FAM169A: variants seen among roughly 807,000 people sequenced by gnomAD.
The protein encoded by FAM169A is soluble lamin-associated protein of 75 kDa.
In FAM169A, 24 loss-of-function variants were observed where a neutral mutation model predicts 75.7. That is an observed-to-expected ratio of 0.32 (90% CI 0.23 to 0.45). The LOEUF (loss-of-function observed/expected upper bound fraction) is 0.45, where lower values mean the gene tolerates loss of function less well. Ranked by LOEUF, FAM169A falls within the 20% of genes least tolerant of loss-of-function variation. FAM169A has a pLI of 1.00. For synonymous variants in FAM169A, 271 were observed against 271.0 expected (o/e 1.00, Z 0.00); for missense variants, 673 against 784.0 (o/e 0.86, Z 1.69).
In FAM169A at chr5:74,780,665, G is replaced by A. The variant is rs1371615335; in HGVS notation, c.*795C>T. On this transcript the variant is annotated 3_prime_UTR_variant, in exon 13 of 13. Coordinates refer to ENST00000687041, the MANE Select transcript of FAM169A (RefSeq NM_001376049.1). The stretch of plus-strand genomic sequence containing the variant: ...AGTTGTGATTTTTACCTGATTAAAG[G>A]TGAAAGTCTAAACTTCTAGGCGTCT... 1 of 152,124 alleles carries A rather than the reference G, an allele frequency of 6.6e-6. No homozygotes were observed. Among genetic ancestry groups the A allele is most frequent in the African/African-American group, 2.4e-5 (1 of 41,422 alleles). The allele number at this position is 152,124 out of a possible 1,614,324, so 9.4% of individuals were successfully genotyped here.
chr5:74,866,947 G>C, upstream of FAM169A: 1 of 985,452 alleles, frequency 1.0e-6, no homozygotes, highest in Non-Finnish European at 1.2e-6. Flanking sequence ...AGTTAGAATC[G>C]TGGGCTGCTT....
At chr5:74,860,131 G>A (rs188630697) in intron 1 of FAM169A, among the ~76,000 whole-genome samples, 1 of 152,302 alleles carries the variant, frequency 6.6e-6, no homozygotes, top group East Asian at 1.9e-4. Context: ...TTAATAAAAG[G>A]CAGCTAGAAA....
rs1746648695 is a variant in FAM169A at position 74,802,633 on chromosome 5, T to C, written c.913-1004A>G. Among the ~76,000 whole-genome samples the C allele has an allele frequency of 2.0e-5, 3 of 152,164 alleles. No homozygotes were observed. The South Asian group carries it at 6.2e-4, about 32-fold the overall frequency. On this transcript the variant is annotated intron_variant, in intron 8 of 12. Transcript: ENST00000687041. ...GCAATTATTATGCTATAGTATATTATATATTTCCAACAATGGACCATCTAG... is the reference window on the plus strand; with the variant it reads ...GCAATTATTATGCTATAGTATATTACATATTTCCAACAATGGACCATCTAG...
chr5:74,863,286 T>C (rs1336154879), intron 1 of FAM169A, among the ~76,000 whole-genome samples: 2 of 152,212 alleles, frequency 1.3e-5, no homozygotes, highest in South Asian at 2.1e-4. Flanking sequence ...CTTGTTATCA[T>C]TGAAACAATT....
chr5:74,842,122 A>T (rs1748899456), intron 1 of FAM169A, among the ~76,000 whole-genome samples: 1 of 149,782 alleles, frequency 6.7e-6, no homozygotes, highest in Non-Finnish European at 1.5e-5. Flanking sequence ...CAAAAAAAAA[A>T]AAATCTAAAA....
chr5:74,808,494 G>A (rs1300645331), intron 6 of FAM169A, among the ~76,000 whole-genome samples: 5 of 152,152 alleles, frequency 3.3e-5, no homozygotes, highest in Non-Finnish European at 7.3e-5. Context: ...GAAAAGGGGA[G>A]TTAATTGTTT....
chr5:74,791,634 T>C lies in FAM169A; in HGVS notation c.1260+4396A>G, dbSNP rs1210695513. On this transcript the variant is annotated intron_variant, in intron 11 of 12. Coordinates refer to ENST00000687041, the MANE Select transcript of FAM169A (RefSeq NM_001376049.1). ...CAATGGAGGTAAGGAAGAGTATGCA[T>C]GGAATATAGGAGATCCCTTGGGGTG... 2.6e-5 allele frequency among the ~76,000 whole-genome samples: 4 copies of C among 152,218 alleles called. No homozygotes were observed. The East Asian group carries it at 7.7e-4, about 29-fold the overall frequency.
In FAM169A at chr5:74,781,760, C is replaced by G. The variant is rs1745421486; in HGVS notation, c.1713G>C (p.Gln571His). ...GGGGCTCAGATACCCCCTCCTCACC[C>G]TGGTCTTCCAATGAGGAAGTAGTAT... ...SPNTTSSLED[Q>H]GEEGVSEPQE... The change falls in exon 13 of 13, where the codon CAG becomes CAC. Residue 571 changes from glutamine (Q) to histidine (H), a missense_variant. Coordinates refer to ENST00000687041, the MANE Select transcript of FAM169A (RefSeq NM_001376049.1). 6.2e-7 allele frequency: 1 copy of G among 1,613,912 alleles called. No individual in the cohort carries two copies. Among genetic ancestry groups the G allele is most frequent in the Non-Finnish European group, 8.5e-7 (1 of 1,179,974 alleles).
intron 11 of FAM169A, among the ~76,000 whole-genome samples, chr5:74,785,530 G>A (rs1353199962): frequency 6.6e-6 from 1 of 152,188 alleles, no homozygotes; most frequent in East Asian, 1.9e-4. Context: ...GGGAGGCAGA[G>A]GGGAGAGGAT....
upstream of FAM169A, chr5:74,866,417 C>T: frequency 1.0e-6 from 1 of 970,324 alleles, no homozygotes; most frequent in Non-Finnish European, 1.2e-6. Flanking sequence ...CCTTCGCTTC[C>T]GCTCCGCGCC....
At chr5:74,804,632 G>T (rs1435057876) in intron 7 of FAM169A, 27 bp from the exon 8 acceptor site, 1 of 1,289,444 alleles carries the variant, frequency 7.8e-7, no homozygotes, top group Non-Finnish European at 1.1e-6. Context: ...TTTAAAAACT[G>T]TAACCGAATC....
Position 74,862,889 on chromosome 5 carries a change from G to A in FAM169A, c.-4+3276C>T, listed in dbSNP as rs1037240412. Among the ~76,000 whole-genome samples the A allele has an allele frequency of 3.9e-5, 6 of 152,196 alleles. No homozygotes were observed. In the South Asian group the frequency reaches 1.0e-3, roughly 26 times the overall value. ...AATACTTCACTAAACTATAGACTCC[G>A]TGACAGTAGGGCCTGTTTGTGACCT... is the stretch of plus-strand genomic sequence containing the variant. On this transcript the variant is annotated intron_variant, in intron 1 of 12. Transcript: ENST00000687041.
At chr5:74,796,769 G>T (rs970557443) in intron 10 of FAM169A, among the ~76,000 whole-genome samples, 6 of 151,432 alleles carry the variant, frequency 4.0e-5, no homozygotes, top group Admixed American at 3.9e-4. Flanking sequence ...CTATTAGAAT[G>T]AGCATATATC....
At chr5:74,785,593 A>G (rs1024406086) in intron 11 of FAM169A, among the ~76,000 whole-genome samples, 1 of 152,138 alleles carries the variant, frequency 6.6e-6, no homozygotes, top group African/African-American at 2.4e-5. Flanking sequence ...CAAAAACCCC[A>G]TCTCTACTGA....
rs571103173 is a variant in FAM169A, at chr5:74,790,702, ATGG to A, written c.1260+5325_1260+5327del. Among the ~76,000 whole-genome samples the A allele has an allele frequency of 3.3e-5, 5 of 152,256 alleles. No homozygotes were observed. The East Asian group carries it at 9.7e-4, about 29-fold the overall frequency. On this transcript the variant is annotated intron_variant, in intron 11 of 12. Coordinates refer to ENST00000687041, the MANE Select transcript of FAM169A (RefSeq NM_001376049.1). Reference sequence around the variant, plus strand: ...GAACAAAGTGGCCATGGTGACAGGGATGGTGGTTACGCATGGGCTCAGCAACAT... The same window carrying A: ...GAACAAAGTGGCCATGGTGACAGGGATGGTTACGCATGGGCTCAGCAACAT...
At chr5:74,803,642 C>G (rs564399467) in intron 8 of FAM169A, among the ~76,000 whole-genome samples, 2 of 152,266 alleles carry the variant, frequency 1.3e-5, no homozygotes, top group East Asian at 1.9e-4. Context: ...CCCTAGACTT[C>G]TAGAGTCCCA....
chr5:74,818,342 G>C (rs1747576949), intron 5 of FAM169A, among the ~76,000 whole-genome samples: 1 of 152,154 alleles, frequency 6.6e-6, no homozygotes, highest in African/African-American at 2.4e-5. Context: ...AACTAGATTA[G>C]TGGTTTCAAG....
intron 5 of FAM169A, among the ~76,000 whole-genome samples, chr5:74,833,945 C>T (rs1422766458): frequency 2.0e-5 from 3 of 152,128 alleles, no homozygotes; most frequent in African/African-American, 7.2e-5. Context: ...TTTGTATTTA[C>T]TAAATATATT....
chr5:74,862,411 G>C (rs62367767), intron 1 of FAM169A, among the ~76,000 whole-genome samples: 105 of 152,168 alleles, frequency 6.9e-4, no homozygotes, highest in Non-Finnish European at 9.6e-4. Context: ...ACTGTCTCTC[G>C]TCATATCCCA....
Sources: gnomAD v4.1 joint callset for allele counts (sites outside exome capture counted in the v4.1 genomes callset) on GRCh38, gnomAD v4.1.1 for gene constraint, MANE v1.5 for transcripts, NCBI Gene and HGNC (gene_info 2026-07-23, HGNC 2026-07-21) for gene names.